GALNT12: variants seen among roughly 807,000 people sequenced by gnomAD.
GALNT12 encodes polypeptide N-acetylgalactosaminyltransferase 12.
Under a neutral mutation model 55.5 loss-of-function variants are expected in GALNT12, and 45 were observed. That is an observed-to-expected ratio of 0.81 (90% CI 0.64 to 1.04). The LOEUF (loss-of-function observed/expected upper bound fraction) is 1.04. GALNT12 is among the 50% of genes least tolerant of loss of function. GALNT12 has a pLI of 0.00. For missense variants in GALNT12, 709 were observed against 754.8 expected (o/e 0.94, Z 0.71); for synonymous variants, 304 against 312.2 (o/e 0.97, Z 0.28).
intron 8 of GALNT12, among the ~76,000 whole-genome samples, chr9:98,845,647 C>T (rs1169688376): frequency 2.0e-5 from 3 of 152,112 alleles, no homozygotes; most frequent in Non-Finnish European, 4.4e-5. Context: ...GCTAGTGCTG[C>T]GATGGGTCCA....
At chr9:98,820,767 C>T (rs4743283) in intron 1 of GALNT12, among the ~76,000 whole-genome samples, 150,648 of 152,314 alleles carry the variant, frequency 0.99, 74,504 homozygotes, top group East Asian at 1. Flanking sequence ...TCTGTTGTTT[C>T]TTGACTTTTT....
intron 2 of GALNT12, 63 bp downstream of exon 2, chr9:98,823,488 A>T: frequency 6.8e-7 from 1 of 1,471,200 alleles, no homozygotes; most frequent in Non-Finnish European, 9.5e-7. Context: ...GGGAGGTGAG[A>T]GTGGGATGCA....
At chr9:98,821,641 A>AAAAAAAAAAAAAAG (rs1835743859) in intron 1 of GALNT12, among the ~76,000 whole-genome samples, 1 of 151,142 alleles carries the variant, frequency 6.6e-6, no homozygotes, top group African/African-American at 2.4e-5. Context: ...AAAAAAAGAA[A>AAAAAAAAAAAAAAG]GAAATTTCTA....
At position 98,821,624 on chromosome 9, in the gene GALNT12, C is replaced by CAAAAAAAAAAAAAAAAAAAAAAAAA. The variant is rs11467276; in HGVS notation, c.372-1619_372-1618insAAAAAAAAAAAAAAAAAAAAAAAAA. On this transcript the variant is annotated intron_variant, in intron 1 of 9. Transcript: ENST00000375011. The stretch of plus-strand genomic sequence containing the variant: ...TGGGCAACAGAGCGAGACTCCATCT[C>CAAAAAAAAAAAAAAAAAAAAAAAAA]AAAAAAAAAAAAAGAAAGAAATTTC... Among the ~76,000 whole-genome samples, 14 of 112,062 alleles carry CAAAAAAAAAAAAAAAAAAAAAAAAA rather than the reference C, an allele frequency of 1.2e-4. 2 individuals are homozygous for CAAAAAAAAAAAAAAAAAAAAAAAAA. Among genetic ancestry groups the CAAAAAAAAAAAAAAAAAAAAAAAAA allele is most frequent in the South Asian group, 3.6e-4 (1 of 2,770 alleles). The allele number at this position is 112,062 out of a possible 152,430, so 73.5% of individuals were successfully genotyped here.
At chr9:98,844,254 A>T in intron 8 of GALNT12, 45 bp downstream of exon 8, 1 of 1,295,238 alleles carries the variant, frequency 7.7e-7, no homozygotes. Context: ...TGTTTTGTTA[A>T]AAAAATTAAA....
intron 1 of GALNT12, among the ~76,000 whole-genome samples, chr9:98,819,804 A>G (rs536419926): frequency 2.6e-5 from 4 of 152,300 alleles, no homozygotes; most frequent in Admixed American, 2.6e-4. Flanking sequence ...CCTGTTGGGT[A>G]GAAGGAACAA....
At position 98,849,569 on chromosome 9, in the gene GALNT12, G is replaced by A; in HGVS notation, c.*477G>A. The A allele has an allele frequency of 2.2e-6, 1 of 447,574 alleles. No individual in the cohort carries two copies. The highest frequency in any genetic ancestry group is 3.9e-6 in the Non-Finnish European group (1 of 255,802). The allele number at this position is 447,574 out of a possible 1,614,324, so 27.7% of individuals were successfully genotyped here. On this transcript the variant is annotated 3_prime_UTR_variant, in exon 10 of 10. Coordinates refer to ENST00000375011, the MANE Select transcript of GALNT12 (RefSeq NM_024642.5). The stretch of plus-strand genomic sequence containing the variant: ...GCGGGGTTAAAGTTTTCCCAGTATA[G>A]AGAGACTGTCACTAGGAACATTGTA...
intron 7 of GALNT12, 118 bp downstream of exon 7, chr9:98,840,251 C>A: frequency 1.6e-6 from 2 of 1,215,244 alleles, no homozygotes; most frequent in Admixed American, 3.6e-5. Context: ...TCCACTCCCA[C>A]CCGCCTGCCC....
At chr9:98,844,647 A>C (rs1836371869) in intron 8 of GALNT12, 1 of 233,732 alleles carries the variant, frequency 4.3e-6, no homozygotes, top group Non-Finnish European at 8.4e-6. Context: ...GGATAAAGTA[A>C]CAGATCTGCA....
At chr9:98,840,580 T>A (rs925501738) in intron 7 of GALNT12, among the ~76,000 whole-genome samples, 6 of 152,104 alleles carry the variant, frequency 3.9e-5, no homozygotes, top group African/African-American at 1.2e-4. Context: ...AAATGTCCAG[T>A]GTCTTTTGTT....
chr9:98,807,713 G>C lies in GALNT12; in HGVS notation c.15G>C (p.Thr5=). The C allele has an allele frequency of 8.6e-7, 1 of 1,159,792 alleles. No homozygotes were observed. Among genetic ancestry groups the C allele is most frequent in the Non-Finnish European group, 1.1e-6 (1 of 942,752 alleles). The allele number at this position is 1,159,792 out of a possible 1,614,324, so 71.8% of individuals were successfully genotyped here. Residue 5 remains threonine (T), a synonymous_variant, in exon 1 of 10, where the codon ACG becomes ACC. Transcript: ENST00000375011. ...TTGGCGGGCGCATGTGGGGGCGCAC[G>C]GCGCGGCGGCGCTGCCCGCGGGAAC... MWGR[T]ARRRCPRELR...
At chr9:98,845,470 G>A (rs1472101193) in intron 8 of GALNT12, among the ~76,000 whole-genome samples, 1 of 152,142 alleles carries the variant, frequency 6.6e-6, no homozygotes, top group Non-Finnish European at 1.5e-5. Flanking sequence ...CACTCAGGTA[G>A]GAAAACCATT....
In GALNT12 at chr9:98,826,748, C is replaced by T. The variant is rs754152767; in HGVS notation, c.542-4C>T. On this transcript the variant is annotated splice_polypyrimidine_tract_variant and splice_region_variant and intron_variant, in intron 2 of 9. Transcript: ENST00000375011. ...GACCCCTGTTGCTTTGTTTGCCTCC[C>T]TAGAGCACCTGAAGGAGCGCTTGGC... The T allele has an allele frequency of 5.0e-6, 8 of 1,610,578 alleles. No homozygotes were observed. The highest frequency in any genetic ancestry group is 2.2e-5 in the East Asian group (1 of 44,842).
intron 5 of GALNT12, 41 bp from the exon 6 acceptor site, chr9:98,836,930 TC>T (rs769002066): frequency 5.0e-6 from 5 of 1,004,142 alleles, no homozygotes; most frequent in Admixed American, 6.2e-5. Context: ...CCGCAGCTCA[TC>T]CCCTGCTCAC....
chr9:98,845,939 G>A, intron 8 of GALNT12, 38 bp from the exon 9 acceptor site: 1 of 1,611,268 alleles, frequency 6.2e-7, no homozygotes, highest in Non-Finnish European at 8.5e-7. Flanking sequence ...CACATCAGTG[G>A]AAAATGTTGT....
At chr9:98,833,768 A>C (rs193084667) in intron 4 of GALNT12, among the ~76,000 whole-genome samples, 1 of 152,218 alleles carries the variant, frequency 6.6e-6, no homozygotes, top group Admixed American at 6.5e-5. Context: ...TGAGACACAG[A>C]GCAGGAGGCT....
At position 98,846,002 on chromosome 9, in the gene GALNT12, A is replaced by AAATACGCTATAAC; in HGVS notation, c.1486_1498dup (p.Thr500AsnfsTer4). The AAATACGCTATAAC allele has an allele frequency of 6.2e-7, 1 of 1,614,190 alleles. No homozygotes were observed. Among genetic ancestry groups the AAATACGCTATAAC allele is most frequent in the East Asian group, 2.2e-5 (1 of 44,884 alleles). On this transcript the variant is annotated frameshift_variant, in exon 9 of 10. Transcript: ENST00000375011. LOFTEE classifies it high-confidence loss of function. The stretch of plus-strand genomic sequence containing the variant: ...TTTTTCGAGTACACGTCCCAGAAAG[A>AAATACGCTATAAC]AATACGCTATAACACCCACCAGCCT...
intron 6 of GALNT12, among the ~76,000 whole-genome samples, chr9:98,838,645 T>C (rs1836214565): frequency 6.6e-6 from 1 of 152,150 alleles, no homozygotes; most frequent in Non-Finnish European, 1.5e-5. Context: ...TGAAACACAG[T>C]CCACTGCCTC....
chr9:98,849,296 A>G lies in GALNT12; in HGVS notation c.*204A>G, dbSNP rs1176818344. ...TGTACTTATTTTGAGAACTTTTTAA[A>G]TGTTCCAAAATACCCTATTTTCAAA... On this transcript the variant is annotated 3_prime_UTR_variant, in exon 10 of 10. Transcript: ENST00000375011. The G allele has an allele frequency of 1.6e-6, 1 of 613,182 alleles. No homozygotes were observed. The highest frequency in any genetic ancestry group is 2.9e-6 in the Non-Finnish European group (1 of 346,516). 38.0% of individuals were successfully genotyped at this position (613,182 alleles called of 1,614,324 possible).
Sources: gnomAD v4.1 joint callset for allele counts (sites outside exome capture counted in the v4.1 genomes callset) on GRCh38, gnomAD v4.1.1 for gene constraint, MANE v1.5 for transcripts, NCBI Gene and HGNC (gene_info 2026-07-23, HGNC 2026-07-21) for gene names.